Variants in ANO6 observed in about 807,000 individuals in gnomAD.
ANO6 encodes the protein anoctamin 6.
Under a neutral mutation model 117.5 loss-of-function variants are expected in ANO6, and 106 were observed. The ratio of observed to expected loss-of-function variants is 0.90; its 90% CI spans 0.77 to 1.06. ANO6 has a LOEUF of 1.06. Ranked by LOEUF, ANO6 falls within the 50% of genes least tolerant of loss-of-function variation. ANO6 has a pLI of 0.00. For missense variants in ANO6, 955 were observed against 1,121.1 expected, an observed-to-expected ratio of 0.85 and a Z score of 2.12; for synonymous variants, 367 against 385.1, an observed-to-expected ratio of 0.95 and a Z score of 0.55.
intron 7 of ANO6, among the ~76,000 whole-genome samples, chr12:45,355,997 CTTGGGGAA>C (rs1409749888): frequency 6.6e-6 from 1 of 152,126 alleles, no homozygotes; most frequent in African/African-American, 2.4e-5. Flanking sequence ...ATGAGTCATT[CTTGGGGAA>C]TATCAGCAAC....
intron 9 of ANO6, among the ~76,000 whole-genome samples, chr12:45,372,931 G>A (rs1046023740): frequency 2.7e-4 from 41 of 152,196 alleles, no homozygotes; most frequent in Non-Finnish European, 5.0e-4. Flanking sequence ...TGGATAAAGA[G>A]TCAAGACCCA....
chr12:45,243,653 G>A (rs192787872), intron 1 of ANO6, among the ~76,000 whole-genome samples: 44 of 152,100 alleles, frequency 2.9e-4, no homozygotes, highest in East Asian at 2.3e-3. Context: ...GGGTTCAAGT[G>A]ATTCTCCTGC....
rs767728300 is a variant in ANO6, at chr12:45,429,163, G to A, written c.2585G>A (p.Arg862His). 8 of 1,613,666 alleles carry A rather than the reference G, an allele frequency of 5.0e-6. No individual in the cohort carries two copies. Among genetic ancestry groups the A allele is most frequent in the South Asian group, 2.2e-5 (2 of 91,052 alleles). Residue 862 changes from arginine (R) to histidine (H), a missense_variant, in exon 20 of 20, where the codon CGC becomes CAC. By Grantham distance (29) the Arg-to-His change is conservative. Coordinates refer to ENST00000320560, the MANE Select transcript of ANO6 (RefSeq NM_001025356.3). ...TATGCAATTCCCGATGTATCAAAAC[G>A]CACAAAGAGCAAGATCCAGAGAGAA... ...ISYAIPDVSK[R>H]TKSKIQREKY... is the part of the protein sequence containing the mutation.
At chr12:45,232,700 A>G (rs889041348) in intron 1 of ANO6, among the ~76,000 whole-genome samples, 20 of 152,328 alleles carry the variant, frequency 1.3e-4, no homozygotes, top group African/African-American at 4.1e-4. Context: ...AATGATTTCT[A>G]CAGCTGTTAA....
chr12:45,362,648 A>C (rs1433600760), intron 8 of ANO6, among the ~76,000 whole-genome samples: 1 of 152,018 alleles, frequency 6.6e-6, no homozygotes, highest in Non-Finnish European at 1.5e-5. Flanking sequence ...TGTGTTAAAT[A>C]GATATTTCTA....
intron 1 of ANO6, among the ~76,000 whole-genome samples, chr12:45,301,282 C>G (rs1242880913): frequency 6.6e-6 from 1 of 151,670 alleles, no homozygotes; most frequent in African/African-American, 2.4e-5. Flanking sequence ...CTATCTGGCT[C>G]CCATTATATT....
chr12:45,259,325 A>G (rs1937943342), intron 1 of ANO6, among the ~76,000 whole-genome samples: 1 of 152,162 alleles, frequency 6.6e-6, no homozygotes. Context: ...GTTGTATGTA[A>G]TATTTTGCAT....
At chr12:45,383,715 G>C (rs1337606103) in intron 10 of ANO6, among the ~76,000 whole-genome samples, 1 of 152,106 alleles carries the variant, frequency 6.6e-6, no homozygotes, top group East Asian at 1.9e-4. Flanking sequence ...TGAACAATGG[G>C]CTTAAAATAA....
chr12:45,230,790 CAT>C (rs1947562940), intron 1 of ANO6, among the ~76,000 whole-genome samples: 1 of 152,094 alleles, frequency 6.6e-6, no homozygotes, highest in Admixed American at 6.5e-5. Flanking sequence ...TGATATTGAT[CAT>C]GTGAATTTTT....
At chr12:45,228,200 T>A (rs1168154278) in intron 1 of ANO6, 1 of 447,722 alleles carries the variant, frequency 2.2e-6, no homozygotes, top group Non-Finnish European at 4.4e-6. Context: ...AGCGCAATCA[T>A]GGCTCACTGT....
chr12:45,354,944 A>G (rs1941373076), intron 7 of ANO6, among the ~76,000 whole-genome samples: 2 of 152,196 alleles, frequency 1.3e-5, no homozygotes, highest in Non-Finnish European at 2.9e-5. Flanking sequence ...ATCTTCCAGA[A>G]TAGAAAGTCA....
Position 45,429,931 on chromosome 12 carries a change from G to GT in ANO6, c.*622dup, listed in dbSNP as rs1943594424. The GT allele has an allele frequency of 1.0e-5, 10 of 988,384 alleles. No homozygotes were observed. The highest frequency in any genetic ancestry group is 1.2e-5 in the Non-Finnish European group (10 of 831,870). 61.2% of individuals were successfully genotyped at this position (988,384 alleles called of 1,614,324 possible). A position where few individuals can be genotyped will look rare whatever the true frequency, so the allele number is the denominator to read the frequency against. On this transcript the variant is annotated 3_prime_UTR_variant, in exon 20 of 20. Coordinates refer to ENST00000320560, the MANE Select transcript of ANO6 (RefSeq NM_001025356.3). ...CATCTCAAAAAAATACTCTTAGTAG[G>GT]TTGGAGTGAAGATAGCAAGGTTTTG...
intron 1 of ANO6, among the ~76,000 whole-genome samples, chr12:45,230,440 C>T (rs1947557865): frequency 6.7e-6 from 1 of 148,798 alleles, no homozygotes; most frequent in African/African-American, 2.5e-5. Flanking sequence ...AAATATTTAA[C>T]ATATATAAAA....
rs940272748 is a variant in ANO6 at position 45,357,345 on chromosome 12, C to G, written c.919C>G (p.Gln307Glu). 6 of 1,614,058 alleles carry G rather than the reference C, an allele frequency of 3.7e-6. No individual in the cohort carries two copies. In the East Asian group the frequency reaches 1.3e-4, roughly 36 times the overall value. The change falls in exon 8 of 20, where the codon CAG becomes GAG. Residue 307 changes from glutamine to glutamate, a missense_variant. Coordinates refer to ENST00000320560, the MANE Select transcript of ANO6 (RefSeq NM_001025356.3). ...CTTTGCTTGGCTGGGCTATTACACT[C>G]AGATGCTTCTCCTGGCCGCAGTTGT... is the stretch of plus-strand genomic sequence containing the variant. Reference protein sequence around the residue: ...IYFAWLGYYTQMLLLAAVVGV... With the variant: ...IYFAWLGYYTEMLLLAAVVGV...
Position 45,350,686 on chromosome 12 carries a change from C to T in ANO6, c.775C>T (p.Pro259Ser). 1 of 1,613,826 alleles carries T rather than the reference C, an allele frequency of 6.2e-7. No homozygotes were observed. Among genetic ancestry groups the T allele is most frequent in the Non-Finnish European group, 8.5e-7 (1 of 1,179,806 alleles). ...CAAATTCCGCCGTCAGTCAGAGGAT[C>T]CCAGCTGCCCTAATGAACGGTACCT... ...DCKFRRQSEDPSCPNERYLLY... is the reference protein window; with the variant it reads ...DCKFRRQSEDSSCPNERYLLY... Residue 259 changes from proline (P) to serine (S), a missense_variant, in exon 7 of 20, where the codon CCC (proline) becomes TCC (serine). Physicochemically the swap from Pro to Ser is moderately conservative, Grantham distance 74. Transcript: ENST00000320560.
chr12:45,216,437 G>A (rs1243383798), intron 1 of ANO6, 46 bp downstream of exon 1: 1 of 1,593,444 alleles, frequency 6.3e-7, no homozygotes, highest in Non-Finnish European at 8.5e-7. Context: ...CCGAGCCGAC[G>A]CGGGAAGAAG....
intron 16 of ANO6, 139 bp downstream of exon 16, chr12:45,409,626 T>G: frequency 1.9e-6 from 2 of 1,034,116 alleles, no homozygotes; most frequent in Non-Finnish European, 2.9e-6. Context: ...CTAGATAAAA[T>G]TATACAATCC....
chr12:45,300,146 G>A (rs1939432805), intron 1 of ANO6, among the ~76,000 whole-genome samples: 3 of 152,100 alleles, frequency 2.0e-5, no homozygotes, highest in Non-Finnish European at 4.4e-5. Flanking sequence ...TCACTACAAA[G>A]CCGAGATAAA....
At chr12:45,422,615 C>G (rs1259120890) in intron 18 of ANO6, among the ~76,000 whole-genome samples, 1 of 149,836 alleles carries the variant, frequency 6.7e-6, no homozygotes, top group Non-Finnish European at 1.5e-5. Context: ...TGCTCTGTTG[C>G]CCAGACAGGA....
Sources: allele counts gnomAD v4.1 joint callset (sites outside exome capture counted in the v4.1 genomes callset), GRCh38; gene constraint gnomAD v4.1.1; transcripts MANE v1.5; gene names NCBI Gene and HGNC (gene_info 2026-07-23, HGNC 2026-07-21).